Variants in RGS6 observed in about 807,000 individuals in gnomAD.
RGS6 encodes regulator of G protein signaling 6.
Under a neutral mutation model 78.5 loss-of-function variants are expected in RGS6, and 30 were observed. The observed-to-expected ratio is 0.38, with a 90% CI of 0.29 to 0.52. The LOEUF (loss-of-function observed/expected upper bound fraction) is 0.52, where lower values mean the gene tolerates loss of function less well. Ranked by LOEUF, RGS6 falls within the 20% of genes least tolerant of loss-of-function variation. The pLI, the probability that RGS6 is intolerant of heterozygous loss-of-function variation, is 0.85. For missense variants in RGS6, 495 were observed against 609.7 expected, an observed-to-expected ratio of 0.81 and a Z score of 1.98; for synonymous variants, 206 against 206.0, an observed-to-expected ratio of 1.00 and a Z score of 0.00.
chr14:72,144,564 C>A (rs749995278), intron 2 of RGS6, among the ~76,000 whole-genome samples: 1 of 152,014 alleles, frequency 6.6e-6, no homozygotes, highest in Admixed American at 6.6e-5. Flanking sequence ...TCGTATTTAT[C>A]GAAAATCTAT....
intron 3 of RGS6, among the ~76,000 whole-genome samples, chr14:72,440,141 A>T (rs2095129512): frequency 6.6e-6 from 1 of 152,028 alleles, no homozygotes; most frequent in South Asian, 2.1e-4. Context: ...TTCTTATCCT[A>T]CCTGATATCC....
At chr14:72,556,358 T>TATCA (rs1395743045) in intron 17 of RGS6, among the ~76,000 whole-genome samples, 2 of 152,132 alleles carry the variant, frequency 1.3e-5, no homozygotes, top group African/African-American at 2.4e-5. Context: ...ACTCACTCCC[T>TATCA]ATCACGAGAA....
chr14:72,331,261 A>G (rs1379636702), intron 2 of RGS6, among the ~76,000 whole-genome samples: 1 of 152,126 alleles, frequency 6.6e-6, no homozygotes, highest in African/African-American at 2.4e-5. Flanking sequence ...AAAAAAAAAA[A>G]AAAAATGAGC....
At chr14:71,917,310 A>G in the RGS6 span, among the ~76,000 whole-genome samples, 1 of 152,164 alleles carries the variant, frequency 6.6e-6, no homozygotes, top group Non-Finnish European at 1.5e-5. Context: ...ATCGCATGGT[A>G]CACATGACAG....
chr14:72,132,539 A>G (rs2096347057), intron 2 of RGS6, among the ~76,000 whole-genome samples: 1 of 152,166 alleles, frequency 6.6e-6, no homozygotes, highest in African/African-American at 2.4e-5. Flanking sequence ...TTGGCCTCCC[A>G]AAGTGCTGGG....
intron 2 of RGS6, among the ~76,000 whole-genome samples, chr14:72,209,996 G>T (rs75060443): frequency 0.055 from 8,427 of 152,246 alleles, 533 homozygotes; most frequent in African/African-American, 0.16. Flanking sequence ...GATATTTAGA[G>T]AGCACCCTTT....
Position 72,483,112 on chromosome 14 carries a change from T to A in RGS6, c.854+4783T>A, listed in dbSNP as rs542283010. Among the ~76,000 whole-genome samples the A allele has an allele frequency of 5.9e-5, 9 of 152,338 alleles. No individual in the cohort carries two copies. The South Asian group carries it at 8.3e-4, about 14-fold the overall frequency. On this transcript the variant is annotated intron_variant, in intron 12 of 17. Transcript: ENST00000553525. Reference sequence around the variant, plus strand: ...GCGTCCCCAAGGGAGTCCCTTTTTTTATTCATCTAAGCCTTATAGCACTTG... The same window carrying A: ...GCGTCCCCAAGGGAGTCCCTTTTTTAATTCATCTAAGCCTTATAGCACTTG...
intron 1 of RGS6, among the ~76,000 whole-genome samples, chr14:71,940,503 CAATT>C (rs1330854130): frequency 1.3e-5 from 2 of 152,178 alleles, no homozygotes; most frequent in African/African-American, 4.8e-5. Flanking sequence ...GGCTTCCTAT[CAATT>C]TCACTTTTAG....
intron 2 of RGS6, among the ~76,000 whole-genome samples, chr14:72,256,026 C>A (rs2057002322): frequency 6.6e-6 from 1 of 152,084 alleles, no homozygotes; most frequent in African/African-American, 2.4e-5. Flanking sequence ...TGTTACAGCC[C>A]AGTGGTTCTT....
chr14:72,187,898 G>C (rs2097268788), intron 2 of RGS6, among the ~76,000 whole-genome samples: 1 of 152,194 alleles, frequency 6.6e-6, no homozygotes, highest in South Asian at 2.1e-4. Flanking sequence ...GTGAAAAACT[G>C]GAGTTGTTCC....
At chr14:72,059,933 T>C (rs4902982) in intron 2 of RGS6, among the ~76,000 whole-genome samples, 108,691 of 152,060 alleles carry the variant, frequency 0.71, 38,916 homozygotes, top group East Asian at 0.83. Context: ...TATTTTGTTA[T>C]GGTAGCTGGG....
At chr14:72,048,673 C>T (rs2093032644) in intron 2 of RGS6, among the ~76,000 whole-genome samples, 1 of 151,900 alleles carries the variant, frequency 6.6e-6, no homozygotes, top group Admixed American at 6.6e-5. Context: ...GTTACAGCGA[C>T]ACTTTCTTTT....
chr14:72,525,406 G>T (rs1201840747), intron 15 of RGS6, among the ~76,000 whole-genome samples: 1 of 152,136 alleles, frequency 6.6e-6, no homozygotes, highest in Non-Finnish European at 1.5e-5. Flanking sequence ...GCTCTGCTTG[G>T]CCTTGATGAA....
At chr14:72,437,167 CAAAAAAAA>C (rs71109735) in intron 3 of RGS6, among the ~76,000 whole-genome samples, 2,660 of 75,074 alleles carry the variant, frequency 0.035, 41 homozygotes, top group Non-Finnish European at 0.043. Context: ...ACTAAAAATA[CAAAAAAAA>C]AAAAAAAAAA....
intron 15 of RGS6, among the ~76,000 whole-genome samples, chr14:72,527,743 C>T (rs1015550832): frequency 6.6e-6 from 1 of 152,162 alleles, no homozygotes; most frequent in African/African-American, 2.4e-5. Flanking sequence ...GAGCTTTTGG[C>T]TCCCAGTCCA....
chr14:72,456,067 G>C (rs570026966), intron 4 of RGS6, among the ~76,000 whole-genome samples: 1 of 152,310 alleles, frequency 6.6e-6, no homozygotes, highest in South Asian at 2.1e-4. Context: ...TGAATGATGA[G>C]AGTTATTTCT....
At chr14:71,898,580 A>G in the RGS6 span, among the ~76,000 whole-genome samples, 19 of 152,124 alleles carry the variant, frequency 1.2e-4, no homozygotes, top group South Asian at 4.1e-4. Context: ...TACATGTGCT[A>G]TGGTGGTTTG....
intron 2 of RGS6, among the ~76,000 whole-genome samples, chr14:72,298,528 A>C (rs1404722997): frequency 7.0e-6 from 1 of 143,290 alleles, no homozygotes; most frequent in African/African-American, 2.6e-5. Flanking sequence ...GCTCACTGCA[A>C]GCTCCGCCTC....
chr14:72,398,409 A>AT (rs2091830479), intron 3 of RGS6, among the ~76,000 whole-genome samples: 1 of 152,016 alleles, frequency 6.6e-6, no homozygotes, highest in Admixed American at 6.6e-5. Context: ...CCCCTTTATC[A>AT]TTTTTTATTA....
Sources: gnomAD v4.1 joint callset for allele counts (sites outside exome capture counted in the v4.1 genomes callset) on GRCh38, gnomAD v4.1.1 for gene constraint, MANE v1.5 for transcripts, NCBI Gene and HGNC (gene_info 2026-07-23, HGNC 2026-07-21) for gene names.